The following NOL8 variants were observed in gnomAD, a reference collection of about 807,000 sequenced individuals.
NOL8 encodes nucleolar protein Nop132.
In NOL8, 93 loss-of-function variants were observed where a neutral mutation model predicts 116.1. The ratio of observed to expected loss-of-function variants is 0.80; its 90% CI spans 0.68 to 0.95. NOL8 has a LOEUF of 0.95. Among genes scored for constraint, NOL8 ranks in the 40% least tolerant of loss-of-function variants. The pLI is 0.00. For missense variants in NOL8, 1,291 were observed against 1,382.8 expected (o/e 0.93, Z 1.05); for synonymous variants, 419 against 469.0 (o/e 0.89, Z 1.38).
intron 9 of NOL8, 77 bp from the exon 10 acceptor site, chr9:92,310,338 A>G (rs142689700): frequency 1.3e-5 from 16 of 1,275,446 alleles, no homozygotes; most frequent in Non-Finnish European, 1.6e-5. Context: ...GTCAATGTAC[A>G]CCTCCCCACA....
chr9:92,305,051 C>A (rs940823269), intron 12 of NOL8, among the ~76,000 whole-genome samples: 2 of 151,706 alleles, frequency 1.3e-5, no homozygotes, highest in Non-Finnish European at 2.9e-5. Flanking sequence ...AATGGTTGCC[C>A]CCCAAAAGCT....
At chr9:92,300,804 ACT>A (rs1491255761) in intron 13 of NOL8, 2 of 1,076,428 alleles carry the variant, frequency 1.9e-6, no homozygotes, top group African/African-American at 3.5e-5. Context: ...GGTGACAGAG[ACT>A]CTGTCTCCAA....
At chr9:92,320,227 CTT>C in intron 4 of NOL8, 1 of 455,584 alleles carries the variant, frequency 2.2e-6, no homozygotes, top group Middle Eastern at 3.3e-4. Context: ...TCACTGGCCT[CTT>C]TGCCTCTGGT....
At chr9:92,306,770 A>C in intron 11 of NOL8, 116 bp downstream of exon 11, 1 of 867,054 alleles carries the variant, frequency 1.2e-6, no homozygotes, top group Non-Finnish European at 1.8e-6. Flanking sequence ...AGGGTCTGAT[A>C]CATATTGCCA....
chr9:92,319,186 C>G, intron 5 of NOL8, 35 bp downstream of exon 5: 1 of 1,489,448 alleles, frequency 6.7e-7, no homozygotes, highest in Non-Finnish European at 8.9e-7. Context: ...GTTTCCAAGA[C>G]CATGTAATTG....
At chr9:92,318,033 C>CAAA (rs745928872) in intron 6 of NOL8, among the ~76,000 whole-genome samples, 1,196 of 34,548 alleles carry the variant, frequency 0.035, 40 homozygotes, top group Non-Finnish European at 0.046. Flanking sequence ...GACTCCATCT[C>CAAA]AAAAAAAAAA....
rs749766188 is a variant in NOL8, at chr9:92,324,041, T to C, written c.121A>G (p.Thr41Ala). Reference protein sequence around the residue: ...FGEVSDVEIITRKDDQGNPQK... With the variant: ...FGEVSDVEIIARKDDQGNPQK... ...AAATTACCTTGGTCATCTTTCCGTG[T>C]GATGATCTCCACATCCGAAACTTCT... is the stretch of plus-strand genomic sequence containing the variant. Residue 41 changes from threonine to alanine, a missense_variant, in exon 2 of 17, where the codon ACA (threonine) becomes GCA (alanine). Physicochemically the swap from Thr to Ala is moderately conservative, Grantham distance 58 (BLOSUM62 0). Coordinates refer to ENST00000442668, the MANE Select transcript of NOL8 (RefSeq NM_017948.6). 5.0e-6 allele frequency: 8 copies of C among 1,613,908 alleles called. No homozygotes were observed. The highest frequency in any genetic ancestry group is 6.8e-6 in the Non-Finnish European group (8 of 1,179,890).
chr9:92,310,663 T>C lies in NOL8; in HGVS notation c.2485A>G (p.Lys829Glu). 2 of 1,609,446 alleles carry C rather than the reference T, an allele frequency of 1.2e-6. No individual in the cohort carries two copies. Among genetic ancestry groups the C allele is most frequent in the East Asian group, 2.2e-5 (1 of 44,816 alleles). The change falls in exon 9 of 17, where the codon AAA becomes GAA. Residue 829 changes from lysine (K) to glutamate (E), a missense_variant. Lys to Glu is a moderately conservative substitution (Grantham distance 56). Coordinates refer to ENST00000442668, the MANE Select transcript of NOL8 (RefSeq NM_017948.6). Reference protein sequence around the residue: ...GEEWVKESMGKTSGKLFDSSD... With the variant: ...GEEWVKESMGETSGKLFDSSD... ...CTATCAAACAGCTTCCCTGATGTTT[T>C]ACCCATAGACTCCTGTGAAGAAACA... is the stretch of plus-strand genomic sequence containing the variant.
chr9:92,324,496 T>G (rs555751745), intron 1 of NOL8: 1 of 180,150 alleles, frequency 5.6e-6, no homozygotes, highest in African/African-American at 2.3e-5. Flanking sequence ...ATTTTATGTA[T>G]TCATGTTTTT....
chr9:92,313,723 C>T (rs1839073490), intron 7 of NOL8, among the ~76,000 whole-genome samples: 1 of 152,198 alleles, frequency 6.6e-6, no homozygotes, highest in African/African-American at 2.4e-5. Flanking sequence ...CCAATTCCCA[C>T]AAATCTTTTC....
chr9:92,312,446 TA>T (rs34116665), intron 7 of NOL8, among the ~76,000 whole-genome samples: 9,347 of 57,510 alleles, frequency 0.16, 604 homozygotes, highest in Non-Finnish European at 0.18. Flanking sequence ...TGAGACCCTG[TA>T]AAAAAAAAAA....
intron 8 of NOL8, 190 bp from the exon 9 acceptor site, chr9:92,310,865 G>C (rs13292466): frequency 3.2e-6 from 2 of 620,258 alleles, no homozygotes; most frequent in South Asian, 2.2e-5. Flanking sequence ...CTAATCCAGA[G>C]GCTCTCCAGT....
Position 92,301,815 on chromosome 9 carries a change from T to C in NOL8, c.2911A>G (p.Lys971Glu). 6.3e-7 allele frequency: 1 copy of C among 1,583,634 alleles called. No homozygotes were observed. The highest frequency in any genetic ancestry group is 8.6e-7 in the Non-Finnish European group (1 of 1,163,906). ...GCTTCCTCCCTTTTCTTTTTTCGTT[T>C]TGCTTTACTGAAATGACATATGTAG... is the stretch of plus-strand genomic sequence containing the variant. ...RDDKPKESKA[K>E]RKKKREEAEK... Residue 971 changes from lysine to glutamate, a missense_variant, in exon 13 of 17, where the codon AAA becomes GAA. Coordinates refer to ENST00000442668, the MANE Select transcript of NOL8 (RefSeq NM_017948.6).
At chr9:92,312,727 T>C (rs985364852) in intron 7 of NOL8, among the ~76,000 whole-genome samples, 1 of 147,396 alleles carries the variant, frequency 6.8e-6, no homozygotes, top group Non-Finnish European at 1.5e-5. Flanking sequence ...CTCAGGAGGC[T>C]GAGGCAGGAG....
intron 7 of NOL8, 94 bp downstream of exon 7, chr9:92,314,173 C>A: frequency 7.1e-7 from 1 of 1,413,406 alleles, no homozygotes; most frequent in African/African-American, 1.4e-5. Context: ...AACACCAAGA[C>A]AATCAGCTCT....
chr9:92,311,044 A>G lies in NOL8; in HGVS notation c.2472+102T>C, dbSNP rs976136891. On this transcript the variant is annotated intron_variant, in intron 8 of 16. Coordinates refer to ENST00000442668, the MANE Select transcript of NOL8 (RefSeq NM_017948.6). ...GGTGACCTGGCAAGCCCTGGGTCTCATTGGGGCTCTCAGGAGGGTTTTATG... is the reference window on the plus strand; with the variant it reads ...GGTGACCTGGCAAGCCCTGGGTCTCGTTGGGGCTCTCAGGAGGGTTTTATG... 3.3e-6 allele frequency: 3 copies of G among 908,078 alleles called. No homozygotes were observed. The Admixed American group carries it at 6.6e-5, about 20-fold the overall frequency. The allele number at this position is 908,078 out of a possible 1,614,324, so 56.3% of individuals were successfully genotyped here.
At chr9:92,311,350 G>A in intron 7 of NOL8, 91 bp from the exon 8 acceptor site, 11 of 814,508 alleles carry the variant, frequency 1.4e-5, no homozygotes, top group South Asian at 3.3e-5. Flanking sequence ...TTGACAAGTG[G>A]GATCTAATTA....
chr9:92,300,019 A>G lies in NOL8; in HGVS notation c.3176-3T>C. Reference sequence around the variant, plus strand: ...CACTGTTTCAACTCTGTAGGTCTCTATATCGTTATGACAACAAAAGATGAT... The same window carrying G: ...CACTGTTTCAACTCTGTAGGTCTCTGTATCGTTATGACAACAAAAGATGAT... On this transcript the variant is annotated splice_polypyrimidine_tract_variant and splice_region_variant and intron_variant, in intron 13 of 16. Transcript: ENST00000442668. 2 of 1,612,466 alleles carry G rather than the reference A, an allele frequency of 1.2e-6. No homozygotes were observed. The highest frequency in any genetic ancestry group is 1.7e-6 in the Non-Finnish European group (2 of 1,178,988).
At position 92,315,897 on chromosome 9, in the gene NOL8, A is replaced by AAGG. The variant is rs1839354905; in HGVS notation, c.727_728insCCT (p.Ile243delinsThrLeu). The AAGG allele has an allele frequency of 1.2e-6, 2 of 1,613,686 alleles. No homozygotes were observed. The highest frequency in any genetic ancestry group is 2.7e-5 in the African/African-American group (2 of 74,900). ...TTGCTGTGTTAAGGGTGGTCTCTCT[A>AAGG]TTACCCTCCTGGGCCTTGTACTCAT... On this transcript the variant is annotated protein_altering_variant, in exon 7 of 17. Coordinates refer to ENST00000442668, the MANE Select transcript of NOL8 (RefSeq NM_017948.6).
Sources: gnomAD v4.1 joint callset for allele counts (sites outside exome capture counted in the v4.1 genomes callset) on GRCh38, gnomAD v4.1.1 for gene constraint, MANE v1.5 for transcripts, NCBI Gene and HGNC (gene_info 2026-07-23, HGNC 2026-07-21) for gene names.